PRKCH: variants seen among roughly 807,000 people sequenced by gnomAD.
The protein encoded by PRKCH is protein kinase C eta, also known as protein kinase C eta type.
PRKCH carries 28 observed loss-of-function variants against 82.5 expected under a neutral mutation model. The observed-to-expected ratio is 0.34, with a 90% CI of 0.25 to 0.47. The LOEUF is 0.47. PRKCH is among the 20% of genes least tolerant of loss of function. The probability of loss-of-function intolerance (pLI) is 1.00; values close to 1 mark genes in which losing one functional copy is unlikely to be tolerated. For synonymous variants in PRKCH, 322 were observed against 327.4 expected (o/e 0.98, Z 0.18); for missense variants, 705 against 881.8 (o/e 0.80, Z 2.54).
At chr14:61,387,934 G>A (rs779894851) in intron 1 of PRKCH, among the ~76,000 whole-genome samples, 1 of 152,088 alleles carries the variant, frequency 6.6e-6, no homozygotes, top group Non-Finnish European at 1.5e-5. Context: ...GATCTCCTGA[G>A]GTCAGAAGTT....
At chr14:61,281,120 C>A in intron 1 of PRKCH, 1 of 1,416,162 alleles carries the variant, frequency 7.1e-7, no homozygotes, top group Non-Finnish European at 9.2e-7. Context: ...GGCTGGTGGG[C>A]GCCCCGGGCC....
At position 61,322,384 on chromosome 14, in the gene PRKCH, G is replaced by T; in HGVS notation, c.283G>T (p.Asp95Tyr). 6.2e-7 allele frequency: 1 copy of T among 1,612,938 alleles called. No homozygotes were observed. The highest frequency in any genetic ancestry group is 1.1e-5 in the South Asian group (1 of 91,026). Residue 95 changes from aspartate (D) to tyrosine (Y), a missense_variant, in exon 1 of 14, where the codon GAC (aspartate) becomes TAC (tyrosine). Around this residue, in one of 5 missense-constraint regions of PRKCH, gnomAD observed 246 missense variants for 308.0 expected, o/e 0.80. Transcript: ENST00000332981. ...AVFHETPLGY[D>Y]HFVANCTLQF... ...CTTCCACGAGACGCCCCTGGGCTAC[G>T]ACCACTTCGTGGCCAACTGCACCCT...
At position 61,506,556 on chromosome 14, in the gene PRKCH, C is replaced by G. The variant is rs182232371; in HGVS notation, c.1433+20900C>G. ...TTCTCTTCTTTACCCAACCCCTCCC[C>G]CTACCACTCTTCCAGAAAGTTGCTC... On this transcript the variant is annotated intron_variant, in intron 10 of 13. Transcript: ENST00000332981. Among the ~76,000 whole-genome samples the G allele has an allele frequency of 5.3e-5, 8 of 152,258 alleles. No individual in the cohort carries two copies. The East Asian group carries it at 1.5e-3, about 29-fold the overall frequency.
chr14:61,534,198 A>T (rs1594792769), intron 12 of PRKCH, among the ~76,000 whole-genome samples: 1 of 152,170 alleles, frequency 6.6e-6, no homozygotes, highest in Admixed American at 6.5e-5. Context: ...ATGATCTAGC[A>T]CTTCTACTTC....
chr14:61,213,397 G>A (rs1013627846), intron 1 of PRKCH, among the ~76,000 whole-genome samples: 9 of 152,128 alleles, frequency 5.9e-5, no homozygotes, highest in African/African-American at 1.9e-4. Context: ...GCAGGGAGAG[G>A]AGAATGCAGA....
At chr14:61,443,285 C>A in intron 3 of PRKCH, 24 bp downstream of exon 3, 3 of 1,607,458 alleles carry the variant, frequency 1.9e-6, no homozygotes, top group Non-Finnish European at 2.6e-6. Context: ...TTACTTCTGT[C>A]CTCCTCAGAG....
chr14:61,445,996 A>G (rs1015542424), intron 4 of PRKCH, among the ~76,000 whole-genome samples: 7 of 152,224 alleles, frequency 4.6e-5, no homozygotes, highest in African/African-American at 1.7e-4. Flanking sequence ...ACATGAGAGT[A>G]CTAAAAGGTA....
chr14:61,429,456 G>C lies in PRKCH; in HGVS notation c.428-13655G>C, dbSNP rs1217163308. On this transcript the variant is annotated intron_variant, in intron 2 of 13. Coordinates refer to ENST00000332981, the MANE Select transcript of PRKCH (RefSeq NM_006255.5). ...GTTTTTTGTCTTTGTGATCAAAGAA[G>C]GATTTGAGGAATTTCTTTTAAAAAT... 9.9e-5 allele frequency among the ~76,000 whole-genome samples: 15 copies of C among 152,268 alleles called. No individual in the cohort carries two copies. The East Asian group carries it at 2.3e-3, about 23-fold the overall frequency.
Position 61,257,604 on chromosome 14 carries a change from G to GAC in PRKCH, c.-19+69961_-19+69962dup, listed in dbSNP as rs796604363. Among the ~76,000 whole-genome samples, 66 of 55,330 alleles carry GAC rather than the reference G, an allele frequency of 1.2e-3. 1 individual carries two copies. The highest frequency in any genetic ancestry group is 0.011 in the Middle Eastern group (1 of 92). 36.3% of individuals were successfully genotyped at this position (55,330 alleles called of 152,430 possible). On this transcript the variant is annotated intron_variant, in intron 1 of 3. Transcript: ENST00000555185. ...TCCCTCTCTCTCTCTGTCACACACA[G>GAC]ACACACACACACACACACACACACA... is the stretch of plus-strand genomic sequence containing the variant.
In PRKCH at chr14:61,335,641, C is replaced by T. The variant is rs147417422; in HGVS notation, c.363+13177C>T. ...TGATTCTTGCTTAATTCTGAAAGCT[C>T]ATTTACTTTTTGGATTATAATTTTG... On this transcript the variant is annotated intron_variant, in intron 1 of 13. Transcript: ENST00000332981. 7.7e-3 allele frequency among the ~76,000 whole-genome samples: 1,179 copies of T among 152,316 alleles called. 10 individuals carry two copies. The highest frequency in any genetic ancestry group is 0.044 in the Middle Eastern group (13 of 294).
At chr14:61,405,534 C>T (rs1223906075) in intron 2 of PRKCH, among the ~76,000 whole-genome samples, 5 of 152,162 alleles carry the variant, frequency 3.3e-5, no homozygotes, top group East Asian at 1.9e-4. Flanking sequence ...CGCAGCACCA[C>T]GCCCAGCTAA....
intron 2 of PRKCH, among the ~76,000 whole-genome samples, chr14:61,420,206 T>G (rs1409338281): frequency 1.3e-5 from 2 of 152,064 alleles, no homozygotes; most frequent in African/African-American, 4.8e-5. Flanking sequence ...TGTATGTGTG[T>G]GACTACACGT....
In PRKCH at chr14:61,221,702, C is replaced by T. The variant is rs2044657278; in HGVS notation, c.-19+34034C>T. On this transcript the variant is annotated intron_variant, in intron 1 of 3. Coordinates refer to the PRKCH transcript ENST00000555185. ...TGCCTAGTGGCCTTCATAGCAGCTT[C>T]TAAGATTCTTTGGAAGGGTGACATC... Among the ~76,000 whole-genome samples the T allele has an allele frequency of 1.3e-5, 2 of 152,142 alleles. 1 individual carries two copies. Among genetic ancestry groups the T allele is most frequent in the South Asian group, 4.2e-4 (2 of 4,814 alleles).
chr14:61,238,877 G>A (rs181050468), intron 1 of PRKCH, among the ~76,000 whole-genome samples: 11 of 152,182 alleles, frequency 7.2e-5, no homozygotes, highest in African/African-American at 2.2e-4. Flanking sequence ...AAAACAGTAC[G>A]GTTATATGGG....
At chr14:61,494,188 A>G (rs12433533) in intron 10 of PRKCH, among the ~76,000 whole-genome samples, 20,515 of 152,098 alleles carry the variant, frequency 0.13, 1,446 homozygotes, top group Admixed American at 0.18. Context: ...ATTAGTTGAG[A>G]CCACGAGACT....
intron 2 of PRKCH, among the ~76,000 whole-genome samples, chr14:61,392,338 A>G (rs2046696491): frequency 6.6e-6 from 1 of 152,166 alleles, no homozygotes; most frequent in South Asian, 2.1e-4. Context: ...AAACTTCCAG[A>G]TGGTTTCCAA....
intron 1 of PRKCH, among the ~76,000 whole-genome samples, chr14:61,287,775 C>G (rs1045605882): frequency 4.0e-5 from 6 of 151,518 alleles, no homozygotes; most frequent in African/African-American, 1.5e-4. Context: ...GCTTTATACC[C>G]AAGGTGAGGA....
At chr14:61,510,610 A>G (rs1338784205) in intron 10 of PRKCH, among the ~76,000 whole-genome samples, 1 of 152,120 alleles carries the variant, frequency 6.6e-6, no homozygotes, top group Non-Finnish European at 1.5e-5. Flanking sequence ...AGTTTTGCCC[A>G]TAAAGCAGTT....
At chr14:61,222,866 T>G (rs528367738) in intron 1 of PRKCH, among the ~76,000 whole-genome samples, 8 of 152,352 alleles carry the variant, frequency 5.3e-5, no homozygotes, top group African/African-American at 1.9e-4. Flanking sequence ...ATTCGTCTAA[T>G]TGAGCTATTT....
Sources: allele counts gnomAD v4.1 joint callset (sites outside exome capture counted in the v4.1 genomes callset), GRCh38; gene constraint gnomAD v4.1.1; regional missense constraint gnomAD v4.1.1; transcripts MANE v1.5; gene names NCBI Gene and HGNC (gene_info 2026-07-23, HGNC 2026-07-21).